Variants in EYA1 observed in about 807,000 individuals in gnomAD.
The protein encoded by EYA1 is protein phosphatase EYA1.
Under a neutral mutation model 82.0 loss-of-function variants are expected in EYA1, and 16 were observed. The observed-to-expected ratio is 0.20, with a 90% confidence interval of 0.13 to 0.30. The LOEUF (loss-of-function observed/expected upper bound fraction) is 0.30, where lower values mean the gene tolerates loss of function less well. EYA1 is among the 10% of genes least tolerant of loss of function. EYA1 has a pLI of 1.00. For synonymous variants in EYA1, 261 were observed against 264.4 expected (o/e 0.99, Z 0.12); for missense variants, 633 against 730.7 (o/e 0.87, Z 1.54).
rs556509896 is a variant in EYA1, at chr8:71,488,989, C to T, written c.33+46755G>A. 5.8e-4 allele frequency among the ~76,000 whole-genome samples: 89 copies of T among 152,312 alleles called. 2 individuals carry two copies. The highest frequency in any genetic ancestry group is 2.0e-3 in the African/African-American group (85 of 41,568). On this transcript the variant is annotated intron_variant, in intron 2 of 18. Coordinates refer to the EYA1 transcript ENST00000643681. ...CAAGATGAAATCTGATGTCATTTTA[C>T]TCTATGGATGTTATTTGAGGACATT...
At chr8:71,353,452 G>A (rs983708083) in intron 3 of EYA1, among the ~76,000 whole-genome samples, 1 of 152,138 alleles carries the variant, frequency 6.6e-6, no homozygotes, top group Non-Finnish European at 1.5e-5. Flanking sequence ...AGAGGAAAAG[G>A]CACCTCATTC....
intron 1 of EYA1, chr8:71,356,833 C>T: frequency 1.2e-6 from 1 of 864,892 alleles, no homozygotes; most frequent in Non-Finnish European, 1.4e-6. Flanking sequence ...CTTGCCCAGG[C>T]AGCTTGGAAA....
intron 2 of EYA1, among the ~76,000 whole-genome samples, chr8:71,386,840 T>A (rs1828993854): frequency 6.6e-6 from 1 of 152,198 alleles, no homozygotes; most frequent in South Asian, 2.1e-4. Flanking sequence ...TTCTATTTCA[T>A]GACAACCTGA....
chr8:71,279,879 G>C (rs1325522753), intron 9 of EYA1, among the ~76,000 whole-genome samples: 2 of 152,130 alleles, frequency 1.3e-5, no homozygotes, highest in Non-Finnish European at 2.9e-5. Context: ...CTATACCCTA[G>C]AGCAAGGCTC....
intron 7 of EYA1, among the ~76,000 whole-genome samples, chr8:71,301,843 T>C (rs1423571600): frequency 6.6e-6 from 1 of 152,094 alleles, no homozygotes; most frequent in Non-Finnish European, 1.5e-5. Flanking sequence ...TGGTGACAAT[T>C]ACATGGGGCT....
At chr8:71,387,534 A>T (rs1009220007) in intron 2 of EYA1, among the ~76,000 whole-genome samples, 2 of 152,158 alleles carry the variant, frequency 1.3e-5, no homozygotes, top group Admixed American at 1.3e-4. Flanking sequence ...AAACGGAGAG[A>T]TCTGAAAAAC....
chr8:71,431,071 T>C (rs180918993), intron 2 of EYA1, among the ~76,000 whole-genome samples: 5 of 152,290 alleles, frequency 3.3e-5, no homozygotes, highest in African/African-American at 4.8e-5. Flanking sequence ...TAGACCGTAA[T>C]GTCTTAAATA....
At position 71,398,089 on chromosome 8, in the gene EYA1, T is replaced by G. The variant is rs148549176; in HGVS notation, c.34-41578A>C. ...CTTCCACTTGATCAAATCTTGTACT[T>G]ATGCTTGTGCATGTGTCACGTAGTT... On this transcript the variant is annotated intron_variant, in intron 2 of 18. Coordinates refer to the EYA1 transcript ENST00000643681. 3.6e-3 allele frequency among the ~76,000 whole-genome samples: 549 copies of G among 152,254 alleles called. 4 individuals are homozygous for G. The highest frequency in any genetic ancestry group is 0.012 in the African/African-American group (516 of 41,550).
chr8:71,478,650 C>T (rs544145295), intron 2 of EYA1, among the ~76,000 whole-genome samples: 10 of 152,242 alleles, frequency 6.6e-5, no homozygotes, highest in Admixed American at 1.3e-4. Flanking sequence ...ACCTCAGCCA[C>T]GTAAAGATCC....
chr8:71,452,610 G>A (rs1021623132), intron 2 of EYA1, among the ~76,000 whole-genome samples: 2 of 152,188 alleles, frequency 1.3e-5, no homozygotes, highest in Non-Finnish European at 2.9e-5. Flanking sequence ...TTGATGTTCA[G>A]CAATATTCGC....
intron 12 of EYA1, among the ~76,000 whole-genome samples, chr8:71,236,237 T>A (rs377393146): frequency 8.5e-5 from 13 of 152,104 alleles, no homozygotes; most frequent in African/African-American, 2.9e-4. Flanking sequence ...GGTTTCACCG[T>A]GTTGGTCAGA....
chr8:71,226,971 C>CA (rs1810637987), intron 12 of EYA1, among the ~76,000 whole-genome samples: 1 of 150,884 alleles, frequency 6.6e-6, no homozygotes. Context: ...ATAACCAGTG[C>CA]AAACCTTCAT....
intron 4 of EYA1, among the ~76,000 whole-genome samples, chr8:71,332,048 T>A (rs1823940188): frequency 6.6e-6 from 1 of 152,014 alleles, no homozygotes; most frequent in African/African-American, 2.4e-5. Context: ...GAGACAGGTC[T>A]CCCTGTGTTG....
chr8:71,364,524 T>G (rs1827626762), upstream of EYA1, among the ~76,000 whole-genome samples: 1 of 152,068 alleles, frequency 6.6e-6, no homozygotes. Flanking sequence ...AGGACTAAAT[T>G]GTTCCCTAAA....
At chr8:71,366,326 C>A (rs1827751917), upstream of EYA1, among the ~76,000 whole-genome samples, 1 of 152,082 alleles carries the variant, frequency 6.6e-6, no homozygotes, top group Non-Finnish European at 1.5e-5. Context: ...AAATGGCAAA[C>A]CATTACTTTT....
intron 2 of EYA1, among the ~76,000 whole-genome samples, chr8:71,419,654 T>A (rs1018087241): frequency 5.3e-5 from 8 of 152,150 alleles, no homozygotes; most frequent in Non-Finnish European, 1.0e-4. Flanking sequence ...TTCTATTTTT[T>A]ATTATTTTGA....
intron 4 of EYA1, among the ~76,000 whole-genome samples, chr8:71,323,452 A>G (rs968923680): frequency 1.2e-4 from 19 of 152,158 alleles, no homozygotes; most frequent in African/African-American, 4.3e-4. Flanking sequence ...TGTTTCTCAA[A>G]TTTAATTTTC....
At chr8:71,364,021 G>C (rs982398291), upstream of EYA1, among the ~76,000 whole-genome samples, 3 of 151,778 alleles carry the variant, frequency 2.0e-5, no homozygotes, top group African/African-American at 7.2e-5. Context: ...CCACATTATA[G>C]TTAAATGTAT....
intron 2 of EYA1, among the ~76,000 whole-genome samples, chr8:71,379,578 A>T (rs1828575430): frequency 6.6e-6 from 1 of 152,212 alleles, no homozygotes; most frequent in Non-Finnish European, 1.5e-5. Flanking sequence ...ATAGGATGTG[A>T]AAAATAAAGT....
Sources: gnomAD v4.1 joint callset for allele counts (sites outside exome capture counted in the v4.1 genomes callset) on GRCh38, gnomAD v4.1.1 for gene constraint, MANE v1.5 for transcripts, NCBI Gene and HGNC (gene_info 2026-07-23, HGNC 2026-07-21) for gene names.